Variants in DSCAML1 observed in about 807,000 individuals in gnomAD.
DSCAML1 encodes the protein DS cell adhesion molecule like 1.
DSCAML1 carries 38 observed loss-of-function variants against 200.5 expected under a neutral mutation model. The observed-to-expected ratio is 0.19, with a 90% CI of 0.15 to 0.25. The LOEUF is 0.25. DSCAML1 is among the 10% of genes least tolerant of loss of function. DSCAML1 has a pLI of 1.00. For missense variants in DSCAML1, 2,223 were observed against 2,858.8 expected (o/e 0.78, Z 5.07); for synonymous variants, 1,215 against 1,165.0 (o/e 1.04, Z -0.87).
In DSCAML1 at chr11:117,437,369, G is replaced by T; in HGVS notation, c.4473C>A (p.Ile1491=). The T allele has an allele frequency of 6.2e-7, 1 of 1,614,200 alleles. No individual in the cohort carries two copies. The highest frequency in any genetic ancestry group is 1.6e-4 in the Middle Eastern group (1 of 6,062). The change falls in exon 26 of 33, where the codon ATC becomes ATA. Residue 1491 remains isoleucine, a synonymous_variant. Transcript: ENST00000651296. The surrounding 1 kb of genome is among the most constrained non-coding windows in gnomAD (Gnocchi z 5.3). ...FSKDQHLFTH[I]NSTHARLNLQ... The stretch of plus-strand genomic sequence containing the variant: ...GGTTAAGCCGAGCATGCGTGGAGTT[G>T]ATGTGGGTGAAGAGGTGTTGGTCTT...
At position 117,749,894 on chromosome 11, in the gene DSCAML1, TTAA is replaced by T. The variant is rs1384742267; in HGVS notation, c.511+26894_511+26896del. On this transcript the variant is annotated intron_variant, in intron 3 of 32. Coordinates refer to ENST00000651296, the MANE Select transcript of DSCAML1 (RefSeq NM_020693.4). The stretch of plus-strand genomic sequence containing the variant: ...CCTGTGCAGACTTGAGCTCTGGTTC[TTAA>T]TAATAGTGGAAGCCCAATCTGCCAG... Among the ~76,000 whole-genome samples, 18 of 152,316 alleles carry T rather than the reference TTAA, an allele frequency of 1.2e-4. No individual in the cohort carries two copies. The East Asian group carries it at 2.9e-3, about 24-fold the overall frequency.
intron 3 of DSCAML1, among the ~76,000 whole-genome samples, chr11:117,734,978 C>T (rs932021519): frequency 3.3e-5 from 5 of 152,106 alleles, no homozygotes; most frequent in Admixed American, 2.6e-4. Context: ...TGCAAGAAAG[C>T]TTGGGACTTG....
intron 3 of DSCAML1, among the ~76,000 whole-genome samples, chr11:117,544,230 A>G (rs2050328100): frequency 6.6e-6 from 1 of 152,184 alleles, no homozygotes; most frequent in Non-Finnish European, 1.5e-5. Flanking sequence ...GGACCTCCCA[A>G]TTCAAAAAGA....
chr11:117,721,831 A>T (rs4936400), intron 3 of DSCAML1, among the ~76,000 whole-genome samples: 1 of 148,124 alleles, frequency 6.8e-6, no homozygotes. Flanking sequence ...TTTTTGAGAC[A>T]GAGTCTCGCT....
chr11:117,497,004 G>A lies in DSCAML1; in HGVS notation c.2359+6841C>T, dbSNP rs1006023774. 2.0e-5 allele frequency among the ~76,000 whole-genome samples: 3 copies of A among 152,176 alleles called. 1 individual carries two copies. The highest frequency in any genetic ancestry group is 2.0e-4 in the Admixed American group (3 of 15,284). ...CAGTAAGATCTCCCATGTTTCGTTG[G>A]TTCAGGCTTATCTTCATCTTTCCTA... is the stretch of plus-strand genomic sequence containing the variant. On this transcript the variant is annotated intron_variant, in intron 11 of 32. Transcript: ENST00000651296.
At position 117,610,850 on chromosome 11, in the gene DSCAML1, C is replaced by CG. The variant is rs916756866; in HGVS notation, c.512-78329_512-78328insC. Among the ~76,000 whole-genome samples, 32 of 149,422 alleles carry CG rather than the reference C, an allele frequency of 2.1e-4. 1 individual carries two copies. Among genetic ancestry groups the CG allele is most frequent in the Non-Finnish European group, 4.3e-4 (29 of 67,126 alleles). The stretch of plus-strand genomic sequence containing the variant: ...AACCAAACCAAAACAACCCCCCCCC[C>CG]CCACAATGTGTTCGTAGACTTCTTC... On this transcript the variant is annotated intron_variant, in intron 3 of 32. Transcript: ENST00000651296.
At chr11:117,615,981 C>T in intron 3 of DSCAML1, among the ~76,000 whole-genome samples, 1 of 152,156 alleles carries the variant, frequency 6.6e-6, no homozygotes, top group East Asian at 1.9e-4. Context: ...AGCTCACAAC[C>T]ACCATTGTTT....
intron 3 of DSCAML1, among the ~76,000 whole-genome samples, chr11:117,675,028 GGCTGT>G (rs1416273254): frequency 6.6e-6 from 1 of 152,140 alleles, no homozygotes; most frequent in Non-Finnish European, 1.5e-5. Context: ...CTCAAATCCT[GGCTGT>G]GCTGCTGCCT....
At chr11:117,452,684 TTTTTC>T (rs1307310655) in intron 19 of DSCAML1, among the ~76,000 whole-genome samples, 1 of 152,142 alleles carries the variant, frequency 6.6e-6, no homozygotes, top group Non-Finnish European at 1.5e-5. Flanking sequence ...CCCATTTTTC[TTTTTC>T]TTTTCTTTTG....
chr11:117,765,436 G>T (rs918529443), intron 3 of DSCAML1, among the ~76,000 whole-genome samples: 39 of 152,298 alleles, frequency 2.6e-4, no homozygotes, highest in African/African-American at 9.1e-4. Context: ...CTAGCCCTCA[G>T]GCCTTTAGCC....
intron 16 of DSCAML1, among the ~76,000 whole-genome samples, chr11:117,467,633 G>C (rs2048610583): frequency 6.6e-6 from 1 of 151,508 alleles, no homozygotes; most frequent in African/African-American, 2.4e-5. Context: ...GTCTGTGTGT[G>C]TGTGTTTAAT....
At chr11:117,466,114 A>C (rs2048575070) in intron 16 of DSCAML1, among the ~76,000 whole-genome samples, 1 of 152,232 alleles carries the variant, frequency 6.6e-6, no homozygotes, top group Non-Finnish European at 1.5e-5. Flanking sequence ...AAAATAATTG[A>C]AAACAGGGAT....
chr11:117,439,187 G>C, intron 23 of DSCAML1, 79 bp downstream of exon 23: 1 of 1,551,930 alleles, frequency 6.4e-7, no homozygotes, highest in Non-Finnish European at 8.8e-7. Flanking sequence ...TCCATTCGAT[G>C]ACCCTCTCGC....
chr11:117,544,117 C>T (rs148633174), intron 3 of DSCAML1, among the ~76,000 whole-genome samples: 8 of 152,270 alleles, frequency 5.3e-5, no homozygotes, highest in Admixed American at 2.0e-4. Flanking sequence ...AAATCGTTGT[C>T]TCTCTTGGAA....
intron 1 of DSCAML1, among the ~76,000 whole-genome samples, chr11:117,815,776 G>A (rs2055800192): frequency 6.6e-6 from 1 of 151,378 alleles, no homozygotes; most frequent in Non-Finnish European, 1.5e-5. Context: ...ACCCTGTGAA[G>A]GGAAGCTCAG....
At chr11:117,456,465 G>C (rs1283820547) in intron 19 of DSCAML1, among the ~76,000 whole-genome samples, 1 of 152,196 alleles carries the variant, frequency 6.6e-6, no homozygotes, top group African/African-American at 2.4e-5. Flanking sequence ...CCTGTTAGTT[G>C]AGCGGCATTT....
At position 117,743,439 on chromosome 11, in the gene DSCAML1, C is replaced by T. The variant is rs149722450; in HGVS notation, c.511+33352G>A. Among the ~76,000 whole-genome samples, 19 of 152,338 alleles carry T rather than the reference C, an allele frequency of 1.2e-4. 1 individual carries two copies. The highest frequency in any genetic ancestry group is 4.3e-4 in the African/African-American group (18 of 41,580). ...TGACATCCCTCAGTTCTGGACCTCA[C>T]TGTCCTGCCCATGCCTGTGTGCACA... On this transcript the variant is annotated intron_variant, in intron 3 of 32. Coordinates refer to ENST00000651296, the MANE Select transcript of DSCAML1 (RefSeq NM_020693.4).
rs2049340847 is a variant in DSCAML1 at position 117,498,750 on chromosome 11, G to A, written c.2359+5095C>T. Among the ~76,000 whole-genome samples, 1 of 152,272 alleles carries A rather than the reference G, an allele frequency of 6.6e-6. No homozygotes were observed. Among genetic ancestry groups the A allele is most frequent in the East Asian group, 1.9e-4 (1 of 5,192 alleles). On this transcript the variant is annotated intron_variant, in intron 11 of 32. Transcript: ENST00000651296. This position sits in a 1 kb window ranked among gnomAD's most constrained non-coding sequence, Gnocchi z 4.0. Reference sequence around the variant, plus strand: ...TTTCTCAAGTCCCCACGAGAGTTTGGCCCCAAGCTCCCCGCTCCTGATGTT... The same window carrying A: ...TTTCTCAAGTCCCCACGAGAGTTTGACCCCAAGCTCCCCGCTCCTGATGTT...
At chr11:117,595,807 C>T (rs1390773874) in intron 3 of DSCAML1, among the ~76,000 whole-genome samples, 1 of 151,968 alleles carries the variant, frequency 6.6e-6, no homozygotes, top group Non-Finnish European at 1.5e-5. Context: ...TTCAGGTTCT[C>T]ATTCCCTTGC....
Sources: allele counts gnomAD v4.1 joint callset (sites outside exome capture counted in the v4.1 genomes callset), GRCh38; gene constraint gnomAD v4.1.1; non-coding constraint Gnocchi (gnomAD v3.1); transcripts MANE v1.5; gene names NCBI Gene and HGNC (gene_info 2026-07-23, HGNC 2026-07-21).